GNG4: variants seen among roughly 807,000 people sequenced by gnomAD.
GNG4 encodes the protein guanine nucleotide-binding protein G(I)/G(S)/G(O) subunit gamma-4.
GNG4 carries 4 observed loss-of-function variants against 5.8 expected under a neutral mutation model. The observed-to-expected ratio is 0.69, with a 90% CI of 0.34 to 1.57. The LOEUF (loss-of-function observed/expected upper bound fraction) is 1.57, where lower values mean the gene tolerates loss of function less well. Ranked by LOEUF, GNG4 falls within the 40% of genes most tolerant of loss-of-function variation. GNG4 has a pLI of 0.06. For synonymous variants in GNG4, 29 were observed against 32.9 expected (o/e 0.88, Z 0.41); for missense variants, 96 against 95.1 (o/e 1.01, Z -0.04).
intron 3 of GNG4, among the ~76,000 whole-genome samples, chr1:235,565,266 C>T (rs1020255204): frequency 3.3e-5 from 5 of 152,018 alleles, no homozygotes; most frequent in African/African-American, 4.8e-5. Context: ...TTTGGGAGGC[C>T]GAGGTGGGCG....
chr1:235,593,874 A>G (rs1186479577), intron 2 of GNG4, among the ~76,000 whole-genome samples: 2 of 152,226 alleles, frequency 1.3e-5, no homozygotes, highest in Non-Finnish European at 2.9e-5. Flanking sequence ...GAGCAGCAGC[A>G]GAATTTGTTG....
At chr1:235,600,413 CTT>C (rs1360098484) in intron 1 of GNG4, among the ~76,000 whole-genome samples, 4 of 136,764 alleles carry the variant, frequency 2.9e-5, no homozygotes, top group Admixed American at 1.5e-4. Flanking sequence ...TGGCGCCTGG[CTT>C]TTGTGTGTGT....
chr1:235,583,951 T>G, intron 2 of GNG4, 103 bp from the exon 3 acceptor site: 1 of 613,298 alleles, frequency 1.6e-6, no homozygotes, highest in South Asian at 2.5e-5. Flanking sequence ...CCAGGGAGCA[T>G]CTGGGAGCAT....
chr1:235,593,875 G>A (rs1032822239), intron 2 of GNG4, among the ~76,000 whole-genome samples: 2 of 152,216 alleles, frequency 1.3e-5, no homozygotes. Flanking sequence ...AGCAGCAGCA[G>A]AATTTGTTGC....
intron 3 of GNG4, among the ~76,000 whole-genome samples, chr1:235,555,481 C>T (rs10925988): frequency 0.23 from 34,773 of 151,922 alleles, 5,038 homozygotes; most frequent in East Asian, 0.69. Flanking sequence ...CTTATACGTA[C>T]GACTCTAGCC....
intron 3 of GNG4, among the ~76,000 whole-genome samples, chr1:235,571,462 C>T (rs1301356626): frequency 1.3e-5 from 2 of 152,194 alleles, no homozygotes; most frequent in Non-Finnish European, 2.9e-5. Flanking sequence ...CAGAACAACG[C>T]GTATTAAGCA....
intron 2 of GNG4, among the ~76,000 whole-genome samples, chr1:235,591,717 T>C (rs1306014319): frequency 6.6e-6 from 1 of 152,216 alleles, no homozygotes; most frequent in Admixed American, 6.5e-5. Context: ...CAACACTGAC[T>C]GGGCTCTCGG....
rs1053145609 is a variant in GNG4 at position 235,642,075 on chromosome 1, C to T, written c.-123+7587G>A. 4.6e-5 allele frequency among the ~76,000 whole-genome samples: 7 copies of T among 152,200 alleles called. No homozygotes were observed. Among genetic ancestry groups the T allele is most frequent in the Non-Finnish European group, 8.8e-5 (6 of 68,048 alleles). On this transcript the variant is annotated intron_variant, in intron 1 of 3. Coordinates refer to ENST00000391854, the MANE Select transcript of GNG4 (RefSeq NM_001098722.2). The surrounding 1 kb of genome is among the most constrained non-coding windows in gnomAD (Gnocchi z 4.3). ...GCCCTAGAGCTTCCAACGTACAGTG[C>T]GGAAAAGCAACATAACACACTAAGA...
At chr1:235,580,750 T>TG (rs1558483024) in intron 3 of GNG4, among the ~76,000 whole-genome samples, 1 of 146,356 alleles carries the variant, frequency 6.8e-6, no homozygotes. Flanking sequence ...TTTTTTGTTT[T>TG]TTTTTTTTTT....
chr1:235,565,045 C>T (rs2102921634), intron 3 of GNG4, among the ~76,000 whole-genome samples: 1 of 152,314 alleles, frequency 6.6e-6, no homozygotes, highest in South Asian at 2.1e-4. Flanking sequence ...CCTACCATGC[C>T]ATCCCCGTGT....
chr1:235,614,667 G>C (rs955560150), intron 1 of GNG4: 1 of 152,502 alleles, frequency 6.6e-6, no homozygotes, highest in Non-Finnish European at 1.5e-5. Context: ...TGAGTGTCAG[G>C]CTTATTTGGT....
In GNG4 at chr1:235,642,871, T is replaced by A. The variant is rs918574886; in HGVS notation, c.-123+6791A>T. ...TGCCCCCTCGATGTCACCTCCTGACTTGGCAAGTCATACACCCTCTCTCTA... is the reference window on the plus strand; with the variant it reads ...TGCCCCCTCGATGTCACCTCCTGACATGGCAAGTCATACACCCTCTCTCTA... On this transcript the variant is annotated intron_variant, in intron 1 of 3. Coordinates refer to ENST00000391854, the MANE Select transcript of GNG4 (RefSeq NM_001098722.2). This position sits in a 1 kb window ranked among gnomAD's most constrained non-coding sequence, Gnocchi z 4.3. 6.6e-6 allele frequency among the ~76,000 whole-genome samples: 1 copy of A among 152,106 alleles called. No homozygotes were observed. Among genetic ancestry groups the A allele is most frequent in the Non-Finnish European group, 1.5e-5 (1 of 68,018 alleles).
At chr1:235,588,246 G>A (rs1012345669) in intron 2 of GNG4, among the ~76,000 whole-genome samples, 4 of 152,152 alleles carry the variant, frequency 2.6e-5, no homozygotes, top group Non-Finnish European at 4.4e-5. Flanking sequence ...TAAAATAAGC[G>A]GGTGGGTGAC....
intron 3 of GNG4, among the ~76,000 whole-genome samples, chr1:235,552,547 C>G (rs911107221): frequency 3.3e-5 from 5 of 152,214 alleles, no homozygotes; most frequent in African/African-American, 1.2e-4. Flanking sequence ...GGTTCCAGGA[C>G]AGTAGTCTCA....
intron 2 of GNG4, among the ~76,000 whole-genome samples, chr1:235,588,330 G>T (rs1687876047): frequency 6.6e-6 from 1 of 152,010 alleles, no homozygotes; most frequent in Non-Finnish European, 1.5e-5. Flanking sequence ...GCCCATGTCT[G>T]CCACCCACAG....
At chr1:235,593,855 G>T (rs531342077) in intron 2 of GNG4, among the ~76,000 whole-genome samples, 2 of 152,208 alleles carry the variant, frequency 1.3e-5, no homozygotes, top group Non-Finnish European at 2.9e-5. Flanking sequence ...GGCAGTGGGG[G>T]CCCAGAGTGA....
chr1:235,595,425 G>C lies in GNG4; in HGVS notation c.-36C>G, dbSNP rs1047025. 1 of 152,362 alleles carries C rather than the reference G, an allele frequency of 6.6e-6. No homozygotes were observed. Among genetic ancestry groups the C allele is most frequent in the Non-Finnish European group, 1.5e-5 (1 of 68,162 alleles). The allele number at this position is 152,362 out of a possible 1,614,324, so 9.4% of individuals were successfully genotyped here. ...CTGCTGAGAGGCAGCCGTGTGACAG[G>C]CCTGGGCAAGGGACAGAGGCTGGCG... On this transcript the variant is annotated 5_prime_UTR_variant, in exon 2 of 4. Transcript: ENST00000391854.
At chr1:235,619,341 G>A (rs1183881838) in intron 1 of GNG4, among the ~76,000 whole-genome samples, 3 of 151,632 alleles carry the variant, frequency 2.0e-5, no homozygotes, top group East Asian at 3.9e-4. Context: ...AGGCTGCAGT[G>A]AGCCAAGATT....
At chr1:235,557,033 A>T (rs1686929973) in intron 3 of GNG4, among the ~76,000 whole-genome samples, 1 of 152,130 alleles carries the variant, frequency 6.6e-6, no homozygotes, top group South Asian at 2.1e-4. Context: ...GAGCACCTGT[A>T]AATACAGATG....
Sources: allele counts gnomAD v4.1 joint callset (sites outside exome capture counted in the v4.1 genomes callset), GRCh38; gene constraint gnomAD v4.1.1; non-coding constraint Gnocchi (gnomAD v3.1); transcripts MANE v1.5; gene names NCBI Gene and HGNC (gene_info 2026-07-23, HGNC 2026-07-21).